ARVCF: variants seen among roughly 807,000 people sequenced by gnomAD.
ARVCF encodes the protein ARVCF delta catenin family member, also known as splicing regulator ARVCF.
In ARVCF, 66 loss-of-function variants were observed where a neutral mutation model predicts 90.9. That is an observed-to-expected ratio of 0.73 (90% CI 0.60 to 0.89). The LOEUF is 0.89. Among genes scored for constraint, ARVCF ranks in the 40% least tolerant of loss-of-function variants. ARVCF has a pLI of 0.00. For missense variants in ARVCF, 1,469 were observed against 1,382.3 expected (o/e 1.06, Z -1.00); for synonymous variants, 653 against 603.4 (o/e 1.08, Z -1.21).
chr22:19,967,170 T>C, downstream of ARVCF: 1 of 1,303,806 alleles, frequency 7.7e-7, no homozygotes. Flanking sequence ...GCAGGTGCAG[T>C]GGTCTGGTGT....
intron 1 of ARVCF, among the ~76,000 whole-genome samples, chr22:20,012,594 C>T (rs1342814572): frequency 1.3e-5 from 2 of 152,274 alleles, no homozygotes; most frequent in African/African-American, 2.4e-5. Flanking sequence ...GGAATGACCA[C>T]GCCCTTTATT....
rs779305113 is a variant in ARVCF, at chr22:19,981,380, C to T, written c.727G>A (p.Gly243Arg). The T allele has an allele frequency of 6.3e-7, 1 of 1,599,558 alleles. No homozygotes were observed. Among genetic ancestry groups the T allele is most frequent in the Non-Finnish European group, 8.5e-7 (1 of 1,174,752 alleles). The part of the protein sequence containing the change: ...REAFPVGPEP[G>R]PPGGRSLPER... ...GGCAGGGAGCGGCCACCTGGTGGCC[C>T]AGGCTCAGGACCCACCGGGAAGGCT... Residue 243 changes from glycine to arginine, a missense_variant, in exon 5 of 20, where the codon GGG (glycine) becomes AGG (arginine). Physicochemically the swap from Gly to Arg is moderately radical, Grantham distance 125. Coordinates refer to ENST00000263207, the MANE Select transcript of ARVCF (RefSeq NM_001670.3).
chr22:19,979,877 C>A lies in ARVCF; in HGVS notation c.1262G>T (p.Cys421Phe), dbSNP rs1176994727. 6.2e-7 allele frequency: 1 copy of A among 1,607,736 alleles called. No homozygotes were observed. Among genetic ancestry groups the A allele is most frequent in the Non-Finnish European group, 8.5e-7 (1 of 1,178,060 alleles). ...HPRAEVRRRA[C>F]GALRNLSYGR... ...ATAGGAGAGGTTGCGCAGTGCCCCA[C>A]AGGCCCGGCGCCGCACCTCAGCCCG... Residue 421 changes from cysteine (C) to phenylalanine (F), a missense_variant, in exon 6 of 20, where the codon TGT (cysteine) becomes TTT (phenylalanine). Physicochemically the swap from Cys to Phe is radical, Grantham distance 205 (BLOSUM62 -2). Transcript: ENST00000263207.
chr22:19,986,296 G>T (rs1281599750), intron 3 of ARVCF, among the ~76,000 whole-genome samples: 2 of 152,200 alleles, frequency 1.3e-5, no homozygotes, highest in African/African-American at 4.8e-5. Context: ...AGTTGCCCAG[G>T]TAGCAGGTGT....
chr22:19,974,158 T>G lies in ARVCF; in HGVS notation c.2042A>C (p.Glu681Ala). The change falls in exon 12 of 20, where the codon GAG becomes GCG. Residue 681 changes from glutamate to alanine, a missense_variant. Glu to Ala is a moderately radical substitution (Grantham distance 107). Coordinates refer to ENST00000263207, the MANE Select transcript of ARVCF (RefSeq NM_001670.3). ...GTTCTGCAGAGCGCCGGCGGCAGCC[T>G]CCAGGGTGTTGAAGTTCCGGCTCTC... ...LTESRNFNTLEAAAGALQNLS... is the reference protein window; with the variant it reads ...LTESRNFNTLAAAAGALQNLS... 6.2e-7 allele frequency: 1 copy of G among 1,612,986 alleles called. No homozygotes were observed. Among genetic ancestry groups the G allele is most frequent in the Non-Finnish European group, 8.5e-7 (1 of 1,179,840 alleles).
chr22:19,971,086 C>G, intron 19 of ARVCF, 130 bp downstream of exon 19: 4 of 1,467,352 alleles, frequency 2.7e-6, no homozygotes, highest in Non-Finnish European at 2.8e-6. Flanking sequence ...CACTGGGCTG[C>G]TGGACTGGAG....
chr22:19,968,895 C>T, downstream of ARVCF: 1 of 665,034 alleles, frequency 1.5e-6, no homozygotes, highest in Admixed American at 2.2e-5. Context: ...CTCTGAACTG[C>T]AACACTGGAT....
At chr22:19,974,361 GATGAGTCACGTAAT>G in intron 11 of ARVCF, 122 bp from the exon 12 acceptor site, 1 of 1,205,038 alleles carries the variant, frequency 8.3e-7, no homozygotes, top group Non-Finnish European at 1.1e-6. Context: ...GATGGGTGTG[GATGAGTCACGTAAT>G]ATTTACTATC....
intron 3 of ARVCF, among the ~76,000 whole-genome samples, chr22:19,988,762 G>A (rs976907256): frequency 2.0e-5 from 3 of 152,102 alleles, no homozygotes; most frequent in Admixed American, 1.3e-4. Flanking sequence ...AGGAGGCCCT[G>A]CCTCCCCTAG....
chr22:19,973,960 C>A, intron 12 of ARVCF, 152 bp downstream of exon 12: 1 of 1,468,280 alleles, frequency 6.8e-7, no homozygotes, highest in Non-Finnish European at 9.1e-7. Flanking sequence ...GTCCAGGGTG[C>A]ACGCATTGCC....
Position 19,973,193 on chromosome 22 carries a change from G to T in ARVCF, c.2364C>A (p.Ser788=). The T allele has an allele frequency of 1.2e-6, 2 of 1,611,012 alleles. No homozygotes were observed. Among genetic ancestry groups the T allele is most frequent in the Non-Finnish European group, 1.7e-6 (2 of 1,179,272 alleles). The change falls in exon 14 of 20, where the codon TCC becomes TCA. Residue 788 remains serine (S), a synonymous_variant. Transcript: ENST00000263207. ...AVLNTIHEIV[S]DSLDNARSLL... is the part of the protein sequence containing the mutation. Reference sequence around the variant, plus strand: ...GCGAGCGCGCGTTATCCAGGCTGTCGGACACGATTTCGTGGATGGTGTTGA... The same window carrying T: ...GCGAGCGCGCGTTATCCAGGCTGTCTGACACGATTTCGTGGATGGTGTTGA...
chr22:20,014,924 C>T (rs1014758508), intron 1 of ARVCF, among the ~76,000 whole-genome samples: 7 of 152,120 alleles, frequency 4.6e-5, no homozygotes, highest in Non-Finnish European at 7.4e-5. Flanking sequence ...AGGGGTGCTA[C>T]CCTACCCTCA....
At chr22:19,995,824 G>A (rs955589961) in intron 2 of ARVCF, among the ~76,000 whole-genome samples, 8 of 151,986 alleles carry the variant, frequency 5.3e-5, no homozygotes, top group South Asian at 2.1e-4. Flanking sequence ...GATGACCATC[G>A]AGCCTCCTCC....
At position 19,970,110 on chromosome 22, in the gene ARVCF, A is replaced by T. The variant is rs9332383; in HGVS notation, c.*646T>A. On this transcript the variant is annotated 3_prime_UTR_variant, in exon 20 of 20. Coordinates refer to ENST00000263207, the MANE Select transcript of ARVCF (RefSeq NM_001670.3). ...AGGCAGATGCGGCAGCCCCGGCCCCAGCCAGCATGGGCTGGAGAAAGGCTC... is the reference window on the plus strand; with the variant it reads ...AGGCAGATGCGGCAGCCCCGGCCCCTGCCAGCATGGGCTGGAGAAAGGCTC... The T allele has an allele frequency of 0.04, 39,648 of 985,508 alleles. 877 individuals are homozygous for T. Among genetic ancestry groups the T allele is most frequent in the East Asian group, 0.065 (572 of 8,770 alleles). The allele number at this position is 985,508 out of a possible 1,614,324, so 61.0% of individuals were successfully genotyped here. A position where few individuals can be genotyped will look rare whatever the true frequency, so the allele number is the denominator to read the frequency against.
rs903694205 is a variant in ARVCF, at chr22:19,970,182, G to A, written c.*574C>T. ...GTGACTGCAGGGCTCTGGGGAGGTGGGGCACCTGTAGCCTGACCCCCACCT... is the reference window on the plus strand; with the variant it reads ...GTGACTGCAGGGCTCTGGGGAGGTGAGGCACCTGTAGCCTGACCCCCACCT... On this transcript the variant is annotated 3_prime_UTR_variant, in exon 20 of 20. Transcript: ENST00000263207. The A allele has an allele frequency of 5.1e-6, 5 of 987,290 alleles. No homozygotes were observed. In the African/African-American group the frequency reaches 8.7e-5, roughly 17 times the overall value. The allele number at this position is 987,290 out of a possible 1,614,324, so 61.2% of individuals were successfully genotyped here. A position where few individuals can be genotyped will look rare whatever the true frequency, so the allele number is the denominator to read the frequency against.
At chr22:19,979,457 TG>T (rs1943355070) in intron 6 of ARVCF, 15 of 545,754 alleles carry the variant, frequency 2.7e-5, no homozygotes. Context: ...ACCAAGGAGG[TG>T]GGTCCCAGGA....
intron 10 of ARVCF, 41 bp downstream of exon 10, chr22:19,976,665 G>A: frequency 3.2e-6 from 5 of 1,552,110 alleles, no homozygotes; most frequent in Non-Finnish European, 4.4e-6. Flanking sequence ...GGTACCCACT[G>A]CACACGCCAG....
chr22:19,980,253 A>G lies in ARVCF; in HGVS notation c.897-11T>C, dbSNP rs1943420142. The G allele has an allele frequency of 6.6e-7, 1 of 1,505,668 alleles. No homozygotes were observed. Among genetic ancestry groups the G allele is most frequent in the African/African-American group, 1.4e-5 (1 of 71,656 alleles). 93.3% of individuals were successfully genotyped at this position (1,505,668 alleles called of 1,614,324 possible). A position where few individuals can be genotyped will look rare whatever the true frequency, so the allele number is the denominator to read the frequency against. On this transcript the variant is annotated splice_polypyrimidine_tract_variant and intron_variant, in intron 5 of 19. Transcript: ENST00000263207. ...GTGTCCTCGTAGGCCCTGCACAGGC[A>G]AGTGGGGCGCGTGGACATCGTCACA...
At chr22:19,981,847 G>A in intron 4 of ARVCF, 86 bp downstream of exon 4, 2 of 1,559,480 alleles carry the variant, frequency 1.3e-6, no homozygotes, top group Non-Finnish European at 1.7e-6. Context: ...GGCCCCACGT[G>A]GCAAGCTTCC....
Sources: gnomAD v4.1 joint callset for allele counts (sites outside exome capture counted in the v4.1 genomes callset) on GRCh38, gnomAD v4.1.1 for gene constraint, MANE v1.5 for transcripts, NCBI Gene and HGNC (gene_info 2026-07-23, HGNC 2026-07-21) for gene names.